NLGN1: variants seen among roughly 807,000 people sequenced by gnomAD.
The protein encoded by NLGN1 is neuroligin 1.
Under a neutral mutation model 65.5 loss-of-function variants are expected in NLGN1, and 12 were observed. The ratio of observed to expected loss-of-function variants is 0.18; its 90% CI spans 0.12 to 0.30. The LOEUF (loss-of-function observed/expected upper bound fraction) is 0.30. NLGN1 is among the 10% of genes least tolerant of loss of function. The pLI is 1.00. For missense variants in NLGN1, 750 were observed against 1,007.1 expected, an observed-to-expected ratio of 0.74 and a Z score of 3.46; for synonymous variants, 350 against 359.5, an observed-to-expected ratio of 0.97 and a Z score of 0.30.
intron 4 of NLGN1, among the ~76,000 whole-genome samples, chr3:174,098,539 C>T (rs7609668): frequency 0.055 from 8,437 of 152,200 alleles, 299 homozygotes; most frequent in African/African-American, 0.088. Context: ...AATAAATAGA[C>T]ATTGGATGTC....
intron 2 of NLGN1, among the ~76,000 whole-genome samples, chr3:173,539,723 T>TATACATATATGTGCATAC (rs1738336503): frequency 7.9e-6 from 1 of 126,874 alleles, no homozygotes; most frequent in African/African-American, 3.3e-5. Context: ...TATGTACATA[T>TATACATATATGTGCATAC]GCACATATAT....
intron 4 of NLGN1, among the ~76,000 whole-genome samples, chr3:174,258,264 C>T (rs1746179604): frequency 6.6e-6 from 1 of 151,742 alleles, no homozygotes; most frequent in African/African-American, 2.4e-5. Context: ...AAGATTATAA[C>T]CACTGAAATA....
chr3:173,657,558 T>G (rs1760253867), intron 3 of NLGN1, among the ~76,000 whole-genome samples: 1 of 151,920 alleles, frequency 6.6e-6, no homozygotes, highest in Non-Finnish European at 1.5e-5. Context: ...TAACCCAAGA[T>G]TTTTGCTTTG....
At chr3:173,719,393 T>G (rs1333783128) in intron 3 of NLGN1, among the ~76,000 whole-genome samples, 1 of 152,216 alleles carries the variant, frequency 6.6e-6, no homozygotes, top group Admixed American at 6.5e-5. Flanking sequence ...TTGTCAATTT[T>G]TTTTAAACAA....
At chr3:174,180,039 A>G (rs972176356) in intron 4 of NLGN1, among the ~76,000 whole-genome samples, 3 of 152,160 alleles carry the variant, frequency 2.0e-5, no homozygotes, top group African/African-American at 7.2e-5. Flanking sequence ...ATTTTTCTTT[A>G]GTAAAATAAA....
intron 4 of NLGN1, among the ~76,000 whole-genome samples, chr3:173,858,759 T>G (rs1728504860): frequency 1.3e-5 from 2 of 152,096 alleles, no homozygotes; most frequent in African/African-American, 4.8e-5. Context: ...AGATGCCTTA[T>G]TCATCTTTGA....
intron 2 of NLGN1, among the ~76,000 whole-genome samples, chr3:173,583,148 A>G (rs1746667735): frequency 6.6e-6 from 1 of 152,206 alleles, no homozygotes; most frequent in Non-Finnish European, 1.5e-5. Flanking sequence ...TTAAGCCTTA[A>G]TAGTTCATAT....
At chr3:174,016,202 A>G (rs1404319503) in intron 4 of NLGN1, among the ~76,000 whole-genome samples, 1 of 152,216 alleles carries the variant, frequency 6.6e-6, no homozygotes, top group African/African-American at 2.4e-5. Flanking sequence ...AGATTCCAAC[A>G]TAATTGGAAG....
intron 2 of NLGN1, among the ~76,000 whole-genome samples, chr3:173,570,262 A>G (rs891662276): frequency 6.6e-6 from 1 of 152,330 alleles, no homozygotes; most frequent in South Asian, 2.1e-4. Context: ...CCTTTCAAAC[A>G]GGGAGAAAAC....
chr3:173,723,734 G>C (rs13094387), intron 3 of NLGN1, among the ~76,000 whole-genome samples: 30,023 of 152,110 alleles, frequency 0.2, 3,131 homozygotes, highest in Admixed American at 0.24. Context: ...AGGGTGTTGA[G>C]AGAAGAAGTC....
intron 4 of NLGN1, among the ~76,000 whole-genome samples, chr3:174,274,842 A>AAAT (rs1750219579): frequency 6.6e-6 from 1 of 151,774 alleles, no homozygotes. Flanking sequence ...AGTCTTACAG[A>AAAT]AATACCCGCC....
chr3:173,505,085 A>T (rs910206664), intron 2 of NLGN1, among the ~76,000 whole-genome samples: 5 of 151,514 alleles, frequency 3.3e-5, no homozygotes, highest in African/African-American at 1.2e-4. Flanking sequence ...ACTCCTTCAC[A>T]TCCAGACTTC....
chr3:173,507,605 T>C (rs992037693), intron 2 of NLGN1, among the ~76,000 whole-genome samples: 1 of 152,158 alleles, frequency 6.6e-6, no homozygotes, highest in Non-Finnish European at 1.5e-5. Context: ...TATGTAAATG[T>C]AGAATTTTTT....
intron 4 of NLGN1, among the ~76,000 whole-genome samples, chr3:174,206,291 A>G (rs554154123): frequency 6.6e-6 from 1 of 152,288 alleles, no homozygotes; most frequent in African/African-American, 2.4e-5. Flanking sequence ...ATGCAGTGAC[A>G]GGGGCGAAAT....
At chr3:173,568,220 T>G (rs1050464360) in intron 2 of NLGN1, among the ~76,000 whole-genome samples, 2 of 150,618 alleles carry the variant, frequency 1.3e-5, no homozygotes, top group Non-Finnish European at 3.0e-5. Flanking sequence ...TTCCTTTTCC[T>G]TTCCTTTCCT....
At chr3:174,077,573 T>A (rs902671785) in intron 4 of NLGN1, among the ~76,000 whole-genome samples, 54 of 152,158 alleles carry the variant, frequency 3.5e-4, no homozygotes, top group Non-Finnish European at 6.6e-4. Flanking sequence ...TTATTTATTT[T>A]TTTTGAGATA....
intron 4 of NLGN1, among the ~76,000 whole-genome samples, chr3:174,043,887 C>T (rs1016233624): frequency 9.3e-5 from 14 of 150,346 alleles, no homozygotes; most frequent in African/African-American, 3.1e-4. Context: ...GGCAGAGGTT[C>T]TCCATGAGGT....
chr3:174,146,052 A>G (rs1163346640), intron 4 of NLGN1, among the ~76,000 whole-genome samples: 1 of 152,192 alleles, frequency 6.6e-6, no homozygotes, highest in Non-Finnish European at 1.5e-5. Flanking sequence ...CTATTAATAT[A>G]TGCATGTACC....
chr3:173,730,067 C>T (rs929964129), intron 3 of NLGN1, among the ~76,000 whole-genome samples: 2 of 151,620 alleles, frequency 1.3e-5, no homozygotes, highest in Admixed American at 6.6e-5. Flanking sequence ...TGAGTGCCTA[C>T]TATTGACCAG....
Sources: gnomAD v4.1 joint callset for allele counts (sites outside exome capture counted in the v4.1 genomes callset) on GRCh38, gnomAD v4.1.1 for gene constraint, MANE v1.5 for transcripts, NCBI Gene and HGNC (gene_info 2026-07-23, HGNC 2026-07-21) for gene names.